Variants in CUBN observed in about 807,000 individuals in gnomAD.
CUBN encodes cubilin.
Under a neutral mutation model 405.3 loss-of-function variants are expected in CUBN, and 282 were observed. The observed-to-expected ratio is 0.70, with a 90% CI of 0.63 to 0.77. The LOEUF is 0.77. Among genes scored for constraint, CUBN ranks in the 30% least tolerant of loss-of-function variants. CUBN has a pLI of 0.00. For missense variants in CUBN, 4,514 were observed against 4,475.2 expected, an observed-to-expected ratio of 1.01 and a Z score of -0.25; for synonymous variants, 1,684 against 1,617.0, an observed-to-expected ratio of 1.04 and a Z score of -0.99.
At chr10:16,834,883 G>A in intron 64 of CUBN, 131 bp downstream of exon 64, 2 of 1,025,384 alleles carry the variant, frequency 2.0e-6, no homozygotes, top group Non-Finnish European at 2.9e-6. Flanking sequence ...GGGAATGAAA[G>A]GGTAATGAAT....
chr10:17,013,781 GA>G (rs1471888944), intron 28 of CUBN, among the ~76,000 whole-genome samples: 2 of 152,186 alleles, frequency 1.3e-5, no homozygotes, highest in African/African-American at 4.8e-5. Context: ...GTCCCTGGGG[GA>G]AGAGGCTTAC....
At chr10:16,862,596 T>G (rs1378933854) in intron 59 of CUBN, among the ~76,000 whole-genome samples, 2 of 152,210 alleles carry the variant, frequency 1.3e-5, no homozygotes, top group African/African-American at 4.8e-5. Context: ...AAGAACACGG[T>G]CCCACTATTA....
chr10:17,043,245 A>G (rs1835053890), intron 26 of CUBN, among the ~76,000 whole-genome samples: 1 of 152,118 alleles, frequency 6.6e-6, no homozygotes, highest in Non-Finnish European at 1.5e-5. Context: ...TAATTCCATC[A>G]TGTTGCTATC....
chr10:17,116,128 G>C (rs1401039208), intron 6 of CUBN, among the ~76,000 whole-genome samples: 8 of 152,144 alleles, frequency 5.3e-5, no homozygotes, highest in Admixed American at 6.5e-5. Context: ...TCCATAAAAA[G>C]CGTAGTTATA....
chr10:17,103,174 T>C lies in CUBN; in HGVS notation c.1481A>G (p.Tyr494Cys). ...SFSYRSPDVGYVHDVNCFWVI... is the reference protein window; with the variant it reads ...SFSYRSPDVGCVHDVNCFWVI... ...CCAGAAGCAGTTAACATCATGAACA[T>C]AACCAACATCCGGGCTCCTGTAGCT... The change falls in exon 13 of 67, where the codon TAT becomes TGT. Residue 494 changes from tyrosine (Y) to cysteine (C), a missense_variant. Coordinates refer to ENST00000377833, the MANE Select transcript of CUBN (RefSeq NM_001081.4). 1.2e-6 allele frequency: 2 copies of C among 1,614,044 alleles called. No homozygotes were observed. The highest frequency in any genetic ancestry group is 1.7e-6 in the Non-Finnish European group (2 of 1,179,922).
chr10:16,994,202 A>G (rs1833668351), intron 28 of CUBN, among the ~76,000 whole-genome samples: 1 of 152,174 alleles, frequency 6.6e-6, no homozygotes, highest in African/African-American at 2.4e-5. Flanking sequence ...TCCTTCATTC[A>G]CTCATAAGTG....
intron 31 of CUBN, among the ~76,000 whole-genome samples, chr10:16,982,161 T>G (rs1833293300): frequency 6.6e-6 from 1 of 152,200 alleles, no homozygotes. Flanking sequence ...CTTCCTTTTT[T>G]CAGAGGTAGA....
In CUBN at chr10:16,948,503, G is replaced by A. The variant is rs566742023; in HGVS notation, c.5184C>T (p.His1728=). 1 of 1,614,054 alleles carries A rather than the reference G, an allele frequency of 6.2e-7. No homozygotes were observed. Among genetic ancestry groups the A allele is most frequent in the African/African-American group, 1.3e-5 (1 of 75,052 alleles). ...SDSSISAGGF[H]TTVTASVSAC... ...CCGACACTGATGCGGTGACCGTGGT[G>A]TGGAAACCCCCAGCACTGATGCTAG... is the stretch of plus-strand genomic sequence containing the variant. Residue 1728 remains histidine, a synonymous_variant, in exon 35 of 67, where the codon CAC becomes CAT. Transcript: ENST00000377833.
intron 59 of CUBN, among the ~76,000 whole-genome samples, chr10:16,863,512 G>A (rs1430496484): frequency 2.6e-5 from 4 of 152,124 alleles, no homozygotes; most frequent in African/African-American, 7.2e-5. Flanking sequence ...TAACAGTAAC[G>A]TGAGCTGACA....
rs1841866618 is a variant in CUBN at position 16,915,836 on chromosome 10, C to T, written c.7195G>A (p.Asp2399Asn). The change falls in exon 46 of 67, where the codon GAC (aspartate) becomes AAC (asparagine). Residue 2399 changes from aspartate to asparagine, a missense_variant. Around this residue, in one of 5 missense-constraint regions of CUBN, gnomAD observed 1,613 missense variants for 1,542.8 expected, o/e 1.05. Coordinates refer to ENST00000377833, the MANE Select transcript of CUBN (RefSeq NM_001081.4). ...TTTTACTAACCAGAGGTATGATTGT[C>T]CCAGATCTCCACGAAGTCTTTTTCA... Reference protein sequence around the residue: ...GCEKDFVEIWDNHTSGNILGR... With the variant: ...GCEKDFVEIWNNHTSGNILGR... 6.2e-7 allele frequency: 1 copy of T among 1,612,952 alleles called. No homozygotes were observed. The highest frequency in any genetic ancestry group is 8.5e-7 in the Non-Finnish European group (1 of 1,179,758).
At chr10:17,107,404 T>C (rs1421901112) in intron 10 of CUBN, among the ~76,000 whole-genome samples, 2 of 151,618 alleles carry the variant, frequency 1.3e-5, no homozygotes, top group Non-Finnish European at 2.9e-5. Flanking sequence ...TAAAGATGGA[T>C]AGAAAAACCC....
At chr10:16,891,995 G>A (rs189007660) in intron 54 of CUBN, among the ~76,000 whole-genome samples, 39 of 152,046 alleles carry the variant, frequency 2.6e-4, no homozygotes, top group Non-Finnish European at 4.4e-4. Context: ...TTCTTCACAT[G>A]GAATGATACC....
In CUBN at chr10:16,918,607, T is replaced by A. The variant is rs556690868; in HGVS notation, c.7000+15A>T. 139 of 1,606,400 alleles carry A rather than the reference T, an allele frequency of 8.7e-5. No homozygotes were observed. Among genetic ancestry groups the A allele is most frequent in the Middle Eastern group, 7.2e-4 (4 of 5,550 alleles). ...ACCCCTGAACCTAAAATAAAAGTTT[T>A]AAAAAAATTATTACCTATAGAATAC... On this transcript the variant is annotated intron_variant, in intron 45 of 66. Coordinates refer to ENST00000377833, the MANE Select transcript of CUBN (RefSeq NM_001081.4).
chr10:16,952,899 A>G (rs1842956597), intron 32 of CUBN, among the ~76,000 whole-genome samples: 2 of 152,290 alleles, frequency 1.3e-5, no homozygotes, highest in East Asian at 1.9e-4. Context: ...CCGAGGCTAA[A>G]CTAGGACTTG....
intron 48 of CUBN, among the ~76,000 whole-genome samples, chr10:16,910,879 C>T (rs1380276626): frequency 6.6e-6 from 1 of 152,056 alleles, no homozygotes; most frequent in African/African-American, 2.4e-5. Flanking sequence ...ATTGCCCTTG[C>T]CCATTTCCTT....
chr10:17,119,581 A>C lies in CUBN; in HGVS notation c.593+3214T>G, dbSNP rs536871853. 5.9e-5 allele frequency among the ~76,000 whole-genome samples: 9 copies of C among 152,298 alleles called. No individual in the cohort carries two copies. In the East Asian group the frequency reaches 1.5e-3, roughly 26 times the overall value. On this transcript the variant is annotated intron_variant, in intron 6 of 66. Transcript: ENST00000377833. Reference sequence around the variant, plus strand: ...AGGCTGAGGTAGGAGAATTGCTTGTACCCAGGATGCAGAGGTTGCAGCAAT... The same window carrying C: ...AGGCTGAGGTAGGAGAATTGCTTGTCCCCAGGATGCAGAGGTTGCAGCAAT...
chr10:16,997,432 T>TAAAAAAAAAAAA (rs11464946), intron 28 of CUBN, among the ~76,000 whole-genome samples: 1 of 122,680 alleles, frequency 8.2e-6, no homozygotes, highest in Non-Finnish European at 1.7e-5. Flanking sequence ...AGACTCCATC[T>TAAAAAAAAAAAA]AAAAAAAAAA....
At chr10:17,121,860 C>G (rs1233876032) in intron 6 of CUBN, 2 of 152,118 alleles carry the variant, frequency 1.3e-5, no homozygotes, top group Non-Finnish European at 2.9e-5. Context: ...CAGTGAGATT[C>G]TACTCCAGAG....
chr10:16,904,127 A>G lies in CUBN; in HGVS notation c.7913-12T>C. The G allele has an allele frequency of 6.2e-7, 1 of 1,613,300 alleles. No homozygotes were observed. Among genetic ancestry groups the G allele is most frequent in the South Asian group, 1.1e-5 (1 of 91,062 alleles). ...CCCATCAGCATCACCTGAACAAAAT[A>G]ATATACCAAGTGCCATCATTGATAC... On this transcript the variant is annotated splice_polypyrimidine_tract_variant and intron_variant, in intron 50 of 66. Transcript: ENST00000377833.
Sources: gnomAD v4.1 joint callset for allele counts (sites outside exome capture counted in the v4.1 genomes callset) on GRCh38, gnomAD v4.1.1 for gene constraint, gnomAD v4.1.1 regional missense constraint, MANE v1.5 for transcripts, NCBI Gene and HGNC (gene_info 2026-07-23, HGNC 2026-07-21) for gene names.